Variants in SPATA7 observed in about 807,000 individuals in gnomAD.
SPATA7 encodes spermatogenesis associated 7, also known as spermatogenesis-associated protein 7.
A neutral mutation model predicts 51.8 loss-of-function variants in SPATA7; 43 were observed. The ratio of observed to expected loss-of-function variants is 0.83; its 90% CI spans 0.65 to 1.07. The LOEUF is 1.07. Among genes scored for constraint, SPATA7 ranks in the 50% least tolerant of loss-of-function variants. The probability of loss-of-function intolerance (pLI) is 0.00; values close to 1 mark genes in which losing one functional copy is unlikely to be tolerated. For synonymous variants in SPATA7, 230 were observed against 252.8 expected (o/e 0.91, Z 0.86); for missense variants, 683 against 701.3 (o/e 0.97, Z 0.30).
intron 4 of SPATA7, among the ~76,000 whole-genome samples, chr14:88,411,242 G>A (rs958364673): frequency 6.6e-5 from 10 of 152,136 alleles, no homozygotes; most frequent in Non-Finnish European, 5.9e-5. Flanking sequence ...TAGAGTCCCA[G>A]GTCAACTTCA....
At chr14:88,444,051 A>AT (rs1240001877) in intron 3 of SPATA7, among the ~76,000 whole-genome samples, 274 of 152,098 alleles carry the variant, frequency 1.8e-3, no homozygotes, top group African/African-American at 6.6e-3. Flanking sequence ...TCCCTGAGGA[A>AT]TCGCCACACT....
At position 88,460,501 on chromosome 14, in the gene SPATA7, C is replaced by T. The variant is rs553821099; in HGVS notation, c.255-9346C>T. On this transcript the variant is annotated intron_variant, in intron 4 of 4. Transcript: ENST00000556406. ...TACCCTTTCTTCCAGTTGATCGAAT[C>T]GGCTACTGAAGCTTGTGCATTCATC... Among the ~76,000 whole-genome samples the T allele has an allele frequency of 9.2e-5, 14 of 152,308 alleles. 1 individual carries two copies. Among genetic ancestry groups the T allele is most frequent in the South Asian group, 6.2e-4 (3 of 4,832 alleles).
intron 4 of SPATA7, among the ~76,000 whole-genome samples, chr14:88,403,871 A>G (rs2076135700): frequency 6.6e-6 from 1 of 152,172 alleles, no homozygotes; most frequent in Admixed American, 6.5e-5. Context: ...TATACTTGAA[A>G]TTTGCTAAGA....
At chr14:88,430,329 A>G (rs73327461) in intron 8 of SPATA7, among the ~76,000 whole-genome samples, 5,369 of 152,118 alleles carry the variant, frequency 0.035, 312 homozygotes, top group African/African-American at 0.12. Context: ...GAAATTTCTG[A>G]TGTTTCAACA....
chr14:88,427,549 A>AT (rs2076830259), intron 6 of SPATA7, 81 bp from the exon 7 acceptor site: 3 of 907,376 alleles, frequency 3.3e-6, no homozygotes, highest in Non-Finnish European at 5.2e-6. Flanking sequence ...TTTTGAGTTT[A>AT]TTTTTTCTAG....
intron 4 of SPATA7, among the ~76,000 whole-genome samples, chr14:88,398,447 G>A (rs570493145): frequency 1.4e-5 from 2 of 140,570 alleles, no homozygotes; most frequent in Admixed American, 7.6e-5. Flanking sequence ...CATGGACACA[G>A]GAAGGGGAAC....
At chr14:88,434,475 A>T (rs1329987833) in intron 10 of SPATA7, among the ~76,000 whole-genome samples, 1 of 152,170 alleles carries the variant, frequency 6.6e-6, no homozygotes, top group Non-Finnish European at 1.5e-5. Flanking sequence ...TCACAAGGTC[A>T]GGAGTTCAAC....
At chr14:88,446,789 C>T (rs947810080) in intron 3 of SPATA7, among the ~76,000 whole-genome samples, 136 of 152,008 alleles carry the variant, frequency 8.9e-4, no homozygotes, top group Non-Finnish European at 1.4e-3. Flanking sequence ...TGTAGTTGAG[C>T]GGTTTTGAGT....
chr14:88,462,213 A>G (rs1363262681), intron 4 of SPATA7, among the ~76,000 whole-genome samples: 1 of 152,230 alleles, frequency 6.6e-6, no homozygotes, highest in Non-Finnish European at 1.5e-5. Flanking sequence ...CCGTCTCAGC[A>G]TATGGTCACA....
At chr14:88,462,940 C>T (rs1374804432) in intron 4 of SPATA7, among the ~76,000 whole-genome samples, 1 of 152,094 alleles carries the variant, frequency 6.6e-6, no homozygotes, top group Non-Finnish European at 1.5e-5. Context: ...GTTACTATCC[C>T]TTTAGTAACC....
chr14:88,455,590 C>A (rs1056102417), downstream of SPATA7, among the ~76,000 whole-genome samples: 3 of 152,078 alleles, frequency 2.0e-5, no homozygotes, highest in African/African-American at 7.2e-5. Flanking sequence ...CCTTTACAAA[C>A]CAATAACAGT....
chr14:88,442,512 T>G (rs1315279568), downstream of SPATA7, among the ~76,000 whole-genome samples: 2 of 152,148 alleles, frequency 1.3e-5, no homozygotes, highest in Non-Finnish European at 2.9e-5. Context: ...GATGCTGGAT[T>G]TTGTCAAATG....
At chr14:88,429,563 C>T (rs2076886360) in intron 8 of SPATA7, 100 bp downstream of exon 8, 2 of 721,736 alleles carry the variant, frequency 2.8e-6, no homozygotes, top group Non-Finnish European at 4.8e-6. Context: ...TAATTGCATG[C>T]TCCAATCTAT....
At chr14:88,468,325 G>A in intron 4 of SPATA7, 1 of 1,475,608 alleles carries the variant, frequency 6.8e-7, no homozygotes, top group South Asian at 1.3e-5. Flanking sequence ...AGAAAGGATG[G>A]GAGGACACGA....
chr14:88,388,949 A>G (rs889877553), intron 1 of SPATA7, among the ~76,000 whole-genome samples: 2 of 152,328 alleles, frequency 1.3e-5, no homozygotes, highest in African/African-American at 4.8e-5. Flanking sequence ...ATAGACTTTG[A>G]TAAATTGCTT....
At chr14:88,428,375 T>C (rs1048397105) in intron 7 of SPATA7, 1 of 152,148 alleles carries the variant, frequency 6.6e-6, no homozygotes, top group Non-Finnish European at 1.5e-5. Flanking sequence ...GAATAAAATA[T>C]AATCATACTC....
At chr14:88,397,632 T>C (rs934801326) in intron 4 of SPATA7, among the ~76,000 whole-genome samples, 2 of 143,918 alleles carry the variant, frequency 1.4e-5, no homozygotes, top group African/African-American at 5.2e-5. Context: ...GACAGGGAGA[T>C]GCTGTCTCAA....
At chr14:88,407,446 A>T (rs555546394) in intron 4 of SPATA7, among the ~76,000 whole-genome samples, 1 of 152,104 alleles carries the variant, frequency 6.6e-6, no homozygotes, top group East Asian at 1.9e-4. Flanking sequence ...TCCTTCGCCC[A>T]CTTTTTGATA....
intron 4 of SPATA7, among the ~76,000 whole-genome samples, chr14:88,409,851 A>G (rs866079488): frequency 1.3e-5 from 2 of 152,318 alleles, no homozygotes; most frequent in Middle Eastern, 3.4e-3. Context: ...TTATTTACCC[A>G]GTAGTTATTC....
Sources: gnomAD v4.1 joint callset for allele counts (sites outside exome capture counted in the v4.1 genomes callset) on GRCh38, gnomAD v4.1.1 for gene constraint, MANE v1.5 for transcripts, NCBI Gene and HGNC (gene_info 2026-07-23, HGNC 2026-07-21) for gene names.